The following WDR86 variants were observed in gnomAD, a reference collection of about 807,000 sequenced individuals.
WDR86 encodes WD repeat domain 86, also known as WD repeat-containing protein 86.
Under a neutral mutation model 36.5 loss-of-function variants are expected in WDR86, and 30 were observed. The observed-to-expected ratio is 0.82, with a 90% confidence interval of 0.61 to 1.11. The LOEUF is 1.11. Among genes scored for constraint, WDR86 ranks in the 50% most tolerant of loss-of-function variants. The pLI is 0.00. For missense variants in WDR86, 545 were observed against 561.2 expected, an observed-to-expected ratio of 0.97 and a Z score of 0.29; for synonymous variants, 255 against 252.9, an observed-to-expected ratio of 1.01 and a Z score of -0.08.
At chr7:151,382,108 T>C (rs993005944) in intron 4 of WDR86, 127 bp from the exon 5 acceptor site, 9 of 767,266 alleles carry the variant, frequency 1.2e-5, no homozygotes, top group Non-Finnish European at 4.3e-6. Flanking sequence ...CTGAGGCTCA[T>C]ATGGGAAGTG....
At position 151,405,750 on chromosome 7, in the gene WDR86, G is replaced by A. The variant is rs1357576070; in HGVS notation, c.163+3677C>T. ...GGCCTCCTTCAGCCCAGTCTTCTGG[G>A]CCACTGCTCTCCCGCCAGGCTTCAC... On this transcript the variant is annotated intron_variant, in intron 1 of 5. Transcript: ENST00000334493. The surrounding 1 kb of genome is among the most constrained non-coding windows in gnomAD (Gnocchi z 4.7). Among the ~76,000 whole-genome samples, 1 of 152,284 alleles carries A rather than the reference G, an allele frequency of 6.6e-6. No individual in the cohort carries two copies. The highest frequency in any genetic ancestry group is 2.1e-4 in the South Asian group (1 of 4,816).
rs936776003 is a variant in WDR86 at position 151,409,803 on chromosome 7, G to C, written c.-214C>G. On this transcript the variant is annotated 5_prime_UTR_variant, in exon 1 of 6. Coordinates refer to ENST00000334493, the MANE Select transcript of WDR86 (RefSeq NM_198285.3). The surrounding 1 kb of genome is among the most constrained non-coding windows in gnomAD (Gnocchi z 5.2). ...GCCCGCGAACCCAGGGCGCTGCGGG[G>C]GGCGGCCCACTCGGGACCTCCGCCC... 9.5e-6 allele frequency: 12 copies of C among 1,263,792 alleles called. No homozygotes were observed. Among genetic ancestry groups the C allele is most frequent in the Non-Finnish European group, 1.2e-5 (12 of 1,008,274 alleles). 78.3% of individuals were successfully genotyped at this position (1,263,792 alleles called of 1,614,324 possible).
At chr7:151,380,541 G>A (rs1355074374), downstream of WDR86, among the ~76,000 whole-genome samples, 1 of 152,116 alleles carries the variant, frequency 6.6e-6, no homozygotes, top group Non-Finnish European at 1.5e-5. Context: ...GGCCAACCGG[G>A]GCACATGGAT....
chr7:151,410,564 G>A (rs1801135050), upstream of WDR86: 1 of 152,290 alleles, frequency 6.6e-6, no homozygotes, highest in African/African-American at 2.4e-5. Context: ...GCCGCTGCGG[G>A]GTCGGTGGAG....
chr7:151,393,335 C>T (rs943062117), intron 3 of WDR86, among the ~76,000 whole-genome samples: 43 of 152,114 alleles, frequency 2.8e-4, no homozygotes, highest in African/African-American at 9.7e-4. Flanking sequence ...TGTCTCTCCG[C>T]ACTCTCTCCT....
At chr7:151,376,954 G>C, downstream of WDR86, 1 of 1,414,088 alleles carries the variant, frequency 7.1e-7, no homozygotes, top group Non-Finnish European at 9.5e-7. Flanking sequence ...AGTGTGGCCA[G>C]CAAGAGGCAC....
intron 1 of WDR86, among the ~76,000 whole-genome samples, chr7:151,408,194 C>CTT (rs1167346483): frequency 3.3e-4 from 41 of 124,642 alleles, no homozygotes; most frequent in African/African-American, 6.4e-4. Context: ...TTTTTCTTTT[C>CTT]TTTTCTTTTT....
chr7:151,376,860 A>C (rs1204973643), downstream of WDR86: 2 of 1,529,740 alleles, frequency 1.3e-6, no homozygotes, highest in African/African-American at 2.7e-5. Flanking sequence ...GTGTCTTCAG[A>C]AGCCAACAGA....
chr7:151,402,716 A>C (rs1232751356), intron 1 of WDR86, among the ~76,000 whole-genome samples: 2 of 152,122 alleles, frequency 1.3e-5, no homozygotes, highest in Non-Finnish European at 2.9e-5. Context: ...GTGGAGGGCC[A>C]TGCCAGGGTG....
intron 2 of WDR86, among the ~76,000 whole-genome samples, chr7:151,396,996 A>C (rs1799872006): frequency 6.6e-6 from 1 of 152,224 alleles, no homozygotes; most frequent in South Asian, 2.1e-4. Context: ...TTTTGATGGA[A>C]GCCAAGAACT....
In WDR86 at chr7:151,390,117, C is replaced by A. The variant is rs1039140706; in HGVS notation, c.727-4894G>T. On this transcript the variant is annotated intron_variant, in intron 3 of 5. Transcript: ENST00000334493. The surrounding 1 kb of genome is among the most constrained non-coding windows in gnomAD (Gnocchi z 4.5). ...AGAGAGCGTGGGGTGTAATGGCCAG[C>A]CCTGGTGCCACGAACCAAGGGACAG... Among the ~76,000 whole-genome samples the A allele has an allele frequency of 6.6e-6, 1 of 152,178 alleles. No individual in the cohort carries two copies. Among genetic ancestry groups the A allele is most frequent in the Admixed American group, 6.5e-5 (1 of 15,280 alleles).
rs1798563493 is a variant in WDR86 at position 151,381,537 on chromosome 7, G to A, written c.*45C>T. 7.1e-7 allele frequency: 1 copy of A among 1,398,962 alleles called. No homozygotes were observed. Among genetic ancestry groups the A allele is most frequent in the South Asian group, 1.6e-5 (1 of 63,938 alleles). The allele number at this position is 1,398,962 out of a possible 1,614,324, so 86.7% of individuals were successfully genotyped here. ...CGGGTAGCAGGGCGGGGCGCTCTGG[G>A]AGCCGCTGGGTGTCTGGGCTGGCGT... On this transcript the variant is annotated 3_prime_UTR_variant, in exon 6 of 6. Coordinates refer to ENST00000334493, the MANE Select transcript of WDR86 (RefSeq NM_198285.3). The surrounding 1 kb of genome is among the most constrained non-coding windows in gnomAD (Gnocchi z 4.8).
At chr7:151,379,565 C>G (rs1307976572), downstream of WDR86, among the ~76,000 whole-genome samples, 2 of 152,206 alleles carry the variant, frequency 1.3e-5, no homozygotes, top group South Asian at 2.1e-4. Context: ...CTCACCGTGT[C>G]TCTCAGGCTG....
intron 3 of WDR86, among the ~76,000 whole-genome samples, chr7:151,395,261 G>A (rs1038468668): frequency 3.3e-5 from 5 of 152,172 alleles, no homozygotes; most frequent in African/African-American, 4.8e-5. Flanking sequence ...CGCTCCAGGC[G>A]CCCTGCAGGC....
chr7:151,409,399 A>G lies in WDR86; in HGVS notation c.163+28T>C. 6.4e-7 allele frequency: 1 copy of G among 1,552,466 alleles called. No individual in the cohort carries two copies. Among genetic ancestry groups the G allele is most frequent in the Non-Finnish European group, 8.7e-7 (1 of 1,149,924 alleles). On this transcript the variant is annotated intron_variant, in intron 1 of 5. Transcript: ENST00000334493. The surrounding 1 kb of genome is among the most constrained non-coding windows in gnomAD (Gnocchi z 5.2). Reference sequence around the variant, plus strand: ...CTGGGGCCGGTGAGCTGCGGCGAAGAGGTCAGGGAGGGAGTGGGAGGGTCT... The same window carrying G: ...CTGGGGCCGGTGAGCTGCGGCGAAGGGGTCAGGGAGGGAGTGGGAGGGTCT...
chr7:151,374,218 G>T (rs935234436), downstream of WDR86: 5 of 1,559,646 alleles, frequency 3.2e-6, no homozygotes, highest in Non-Finnish European at 4.3e-6. Context: ...CACGCAGCCA[G>T]CGGGAACTTG....
intron 2 of WDR86, among the ~76,000 whole-genome samples, chr7:151,398,136 A>G (rs1243714813): frequency 1.3e-5 from 2 of 152,132 alleles, no homozygotes; most frequent in African/African-American, 4.8e-5. Context: ...ATATGTGTAT[A>G]TGTGCATGTG....
At chr7:151,393,878 C>T (rs1260390895) in intron 3 of WDR86, among the ~76,000 whole-genome samples, 2 of 152,148 alleles carry the variant, frequency 1.3e-5, no homozygotes, top group Non-Finnish European at 2.9e-5. Flanking sequence ...GAGGGAGGGC[C>T]GGGGAGCGTG....
intron 1 of WDR86, among the ~76,000 whole-genome samples, chr7:151,408,341 C>T (rs569993062): frequency 7.9e-5 from 12 of 151,772 alleles, no homozygotes; most frequent in South Asian, 6.2e-4. Flanking sequence ...GAATTACAGG[C>T]GCCCGCCACC....
Sources: gnomAD v4.1 joint callset for allele counts (sites outside exome capture counted in the v4.1 genomes callset) on GRCh38, gnomAD v4.1.1 for gene constraint, Gnocchi (gnomAD v3.1) non-coding constraint, MANE v1.5 for transcripts, NCBI Gene and HGNC (gene_info 2026-07-23, HGNC 2026-07-21) for gene names.